Variants in FGF13 observed in about 807,000 individuals in gnomAD.
FGF13 encodes the protein fibroblast growth factor homologous factor 2.
Under a neutral mutation model 19.5 loss-of-function variants are expected in FGF13, and 2 were observed. The ratio of observed to expected loss-of-function variants is 0.10; its 90% CI spans 0.04 to 0.32. The LOEUF (loss-of-function observed/expected upper bound fraction) is 0.32, where lower values mean the gene tolerates loss of function less well. Ranked by LOEUF, FGF13 falls within the 10% of genes least tolerant of loss-of-function variation. FGF13 has a pLI of 1.00. For missense variants in FGF13, 113 were observed against 192.7 expected (o/e 0.59, Z 2.45); for synonymous variants, 72 against 76.9 (o/e 0.94, Z 0.33).
intron 1 of FGF13, among the ~76,000 whole-genome samples, chrX:139,166,899 A>G (rs1314456227): frequency 9.0e-6 from 1 of 110,918 alleles, no homozygotes; most frequent in Non-Finnish European, 1.9e-5. Context: ...AAAAGATAAC[A>G]CCCAAGCTCC....
intron 1 of FGF13, among the ~76,000 whole-genome samples, chrX:139,009,225 T>C (rs761225585): frequency 8.9e-6 from 1 of 112,074 alleles, no homozygotes; most frequent in South Asian, 3.7e-4. Context: ...TTGGAAAACA[T>C]ATTGGAAGGA....
intron 3 of FGF13, among the ~76,000 whole-genome samples, chrX:138,843,144 G>A (rs1026032518): frequency 8.9e-6 from 1 of 111,985 alleles, no homozygotes; most frequent in Non-Finnish European, 1.9e-5. Context: ...GATTTTCCCA[G>A]TGTCCACTCC....
chrX:139,042,639 T>C (rs1443819513), intron 1 of FGF13, among the ~76,000 whole-genome samples: 2 of 111,925 alleles, frequency 1.8e-5, no homozygotes, highest in African/African-American at 6.5e-5. Context: ...TTAAATATTA[T>C]TTTAAAGACA....
rs1227337406 is a variant in FGF13 at position 138,619,076 on chromosome X, T to C, written c.*13774A>G. 1 of 106,268 alleles carries C rather than the reference T, an allele frequency of 9.4e-6. No individual in the cohort carries two copies. Among genetic ancestry groups the C allele is most frequent in the Admixed American group, 1.0e-4 (1 of 9,944 alleles). 8.8% of individuals were successfully genotyped at this position (106,268 alleles called of 1,213,427 possible). A position where few individuals can be genotyped will look rare whatever the true frequency, so the allele number is the denominator to read the frequency against. On this transcript the variant is annotated 3_prime_UTR_variant, in exon 5 of 5. Transcript: ENST00000315930. ...CCGAAGAAACTCAGTAATTTTCCAGTTGCCAACAAAAAAAAATGGAGATCT... is the reference window on the plus strand; with the variant it reads ...CCGAAGAAACTCAGTAATTTTCCAGCTGCCAACAAAAAAAAATGGAGATCT...
chrX:138,625,812 T>C lies in FGF13; in HGVS notation c.*7038A>G, dbSNP rs948024070. Reference sequence around the variant, plus strand: ...CCATTTCGGTTGTTCGTAGTAATTATGTTACCTTAAAAAAATAAAATGTGC... The same window carrying C: ...CCATTTCGGTTGTTCGTAGTAATTACGTTACCTTAAAAAAATAAAATGTGC... On this transcript the variant is annotated 3_prime_UTR_variant, in exon 5 of 5. Coordinates refer to ENST00000315930, the MANE Select transcript of FGF13 (RefSeq NM_004114.5). 2.7e-5 allele frequency: 3 copies of C among 110,169 alleles called. No homozygotes were observed. The highest frequency in any genetic ancestry group is 3.8e-5 in the Non-Finnish European group (2 of 52,847). 9.1% of individuals were successfully genotyped at this position (110,169 alleles called of 1,213,427 possible).
At chrX:138,721,778 C>T (rs7049853) in intron 1 of FGF13, among the ~76,000 whole-genome samples, 5,292 of 109,567 alleles carry the variant, frequency 0.048, 297 homozygotes, top group African/African-American at 0.16. Flanking sequence ...CATACAAAAT[C>T]ATATCTATAC....
At chrX:138,956,892 A>C (rs1190978193) in intron 1 of FGF13, among the ~76,000 whole-genome samples, 1 of 111,777 alleles carries the variant, frequency 8.9e-6, no homozygotes, top group Non-Finnish European at 1.9e-5. Context: ...ACTGGATGAT[A>C]AATTATATAT....
chrX:138,672,818 TAG>T (rs1204245252), intron 3 of FGF13, among the ~76,000 whole-genome samples: 1 of 111,039 alleles, frequency 9.0e-6, no homozygotes, highest in African/African-American at 3.3e-5. Flanking sequence ...GTTTACAGGT[TAG>T]GAAGATGAAA....
At chrX:139,092,313 A>T (rs1020475977) in intron 1 of FGF13, among the ~76,000 whole-genome samples, 4 of 112,606 alleles carry the variant, frequency 3.6e-5, no homozygotes, top group African/African-American at 1.3e-4. Context: ...CTTCTATTCC[A>T]GCCTGCATTT....
At chrX:138,877,233 T>TA (rs760587125) in intron 1 of FGF13, among the ~76,000 whole-genome samples, 95 of 110,528 alleles carry the variant, frequency 8.6e-4, no homozygotes, top group African/African-American at 3.0e-3. Flanking sequence ...ATTCTGTTTT[T>TA]TTTTTAAGAA....
chrX:138,933,343 G>C (rs2091714823), intron 1 of FGF13, among the ~76,000 whole-genome samples: 1 of 111,958 alleles, frequency 8.9e-6, no homozygotes, highest in South Asian at 3.7e-4. Flanking sequence ...GATTCCCTAA[G>C]ATATTTCTTA....
At chrX:138,995,493 T>C (rs1271429358) in intron 1 of FGF13, among the ~76,000 whole-genome samples, 2 of 111,475 alleles carry the variant, frequency 1.8e-5, no homozygotes, top group Admixed American at 1.9e-4. Context: ...AACTAGTGTC[T>C]GTTGTTTGTT....
chrX:138,781,808 C>T (rs1461452400), intron 3 of FGF13, among the ~76,000 whole-genome samples: 79 of 111,813 alleles, frequency 7.1e-4, no homozygotes, highest in African/African-American at 2.2e-3. Flanking sequence ...ACTCATTTTA[C>T]GAGGCCAGCA....
At chrX:138,728,987 A>G (rs768217730) in intron 1 of FGF13, among the ~76,000 whole-genome samples, 129 of 111,546 alleles carry the variant, frequency 1.2e-3, no homozygotes, top group Middle Eastern at 4.6e-3. Context: ...GATCAATATA[A>G]GAGTAGATTG....
intron 1 of FGF13, among the ~76,000 whole-genome samples, chrX:139,138,540 A>G (rs1175248994): frequency 9.0e-6 from 1 of 111,350 alleles, no homozygotes; most frequent in Non-Finnish European, 1.9e-5. Context: ...ATCCACAGAG[A>G]CCCAAGTACA....
downstream of FGF13, among the ~76,000 whole-genome samples, chrX:138,853,604 TGTGTGTGTGCGTGTGC>T (rs1361644183): frequency 5.4e-5 from 5 of 92,582 alleles, no homozygotes; most frequent in Non-Finnish European, 1.1e-4. Flanking sequence ...ACAGAATGTG[TGTGTGTGTGCGTGTGC>T]GTGTGTGTGT....
chrX:139,038,114 G>A (rs774080473), intron 1 of FGF13, among the ~76,000 whole-genome samples: 1 of 110,857 alleles, frequency 9.0e-6, no homozygotes, highest in African/African-American at 3.3e-5. Context: ...TAGCAGTTAT[G>A]TTCCTCTACC....
intron 3 of FGF13, among the ~76,000 whole-genome samples, chrX:138,781,562 T>G (rs1181602532): frequency 4.5e-5 from 5 of 109,894 alleles, no homozygotes; most frequent in Non-Finnish European, 7.6e-5. Context: ...AACTAGAAAA[T>G]CTAGAAGAAA....
In FGF13 at chrX:138,711,242, G is replaced by A; in HGVS notation, c.-239C>T. 2 of 999,655 alleles carry A rather than the reference G, an allele frequency of 2.0e-6. No homozygotes were observed. The highest frequency in any genetic ancestry group is 2.7e-5 in the African/African-American group (1 of 36,978). 82.4% of individuals were successfully genotyped at this position (999,655 alleles called of 1,213,427 possible). A position where few individuals can be genotyped will look rare whatever the true frequency, so the allele number is the denominator to read the frequency against. On this transcript the variant is annotated 5_prime_UTR_variant, in exon 1 of 5. Transcript: ENST00000315930. The stretch of plus-strand genomic sequence containing the variant: ...CGGGCTGCTGGCTGCCTGGGTCGGA[G>A]TCGACGCCACAGCCCCGGGCCCGGG...
Sources: allele counts gnomAD v4.1 joint callset (sites outside exome capture counted in the v4.1 genomes callset), GRCh38; gene constraint gnomAD v4.1.1; transcripts MANE v1.5; gene names NCBI Gene and HGNC (gene_info 2026-07-23, HGNC 2026-07-21).